Variants in DEK observed in about 807,000 individuals in gnomAD.
DEK encodes DEK proto-oncogene.
DEK carries 28 observed loss-of-function variants against 46.8 expected under a neutral mutation model. The observed-to-expected ratio is 0.60, with a 90% CI of 0.44 to 0.82. The LOEUF (loss-of-function observed/expected upper bound fraction) is 0.82. Ranked by LOEUF, DEK falls within the 40% of genes least tolerant of loss-of-function variation. The pLI is 0.00. For missense variants in DEK, 416 were observed against 430.6 expected (o/e 0.97, Z 0.30); for synonymous variants, 160 against 144.5 (o/e 1.11, Z -0.77).
chr6:18,247,891 C>T (rs553675792), intron 7 of DEK, among the ~76,000 whole-genome samples: 117 of 152,134 alleles, frequency 7.7e-4, no homozygotes, highest in African/African-American at 2.6e-3. Context: ...AGGCTGGTCT[C>T]GAACTCCTGA....
intron 7 of DEK, among the ~76,000 whole-genome samples, chr6:18,241,098 A>G (rs574597505): frequency 3.8e-4 from 58 of 152,370 alleles, no homozygotes; most frequent in South Asian, 1.2e-3. Flanking sequence ...GCTGAACAGT[A>G]AAACTACTAA....
intron 7 of DEK, among the ~76,000 whole-genome samples, chr6:18,238,152 A>T (rs1790745700): frequency 6.6e-6 from 1 of 151,920 alleles, no homozygotes; most frequent in Non-Finnish European, 1.5e-5. Context: ...TACAGGCATG[A>T]GCCACCACAC....
At chr6:18,256,540 C>G (rs1791605413) in intron 4 of DEK, 85 bp from the exon 5 acceptor site, 4 of 1,142,608 alleles carry the variant, frequency 3.5e-6, no homozygotes, top group Non-Finnish European at 5.1e-6. Context: ...AAGTCAACAT[C>G]TTTATTTTCA....
chr6:18,228,545 C>T (rs1790240762), intron 9 of DEK, among the ~76,000 whole-genome samples: 2 of 152,068 alleles, frequency 1.3e-5, no homozygotes, highest in African/African-American at 4.8e-5. Context: ...TGGGTGCAGC[C>T]AACCGAGCGT....
At chr6:18,235,756 T>G (rs1369041769) in intron 9 of DEK, among the ~76,000 whole-genome samples, 3 of 152,174 alleles carry the variant, frequency 2.0e-5, no homozygotes, top group Admixed American at 6.5e-5. Flanking sequence ...ATCAAAGTGT[T>G]GGGATTACAG....
chr6:18,263,458 G>A (rs1189992069), intron 2 of DEK, among the ~76,000 whole-genome samples: 2 of 151,968 alleles, frequency 1.3e-5, no homozygotes, highest in African/African-American at 4.8e-5. Flanking sequence ...CAAAAGATGT[G>A]TAATGAAAAG....
Position 18,258,310 on chromosome 6 carries a change from C to T in DEK, c.241G>A (p.Ala81Thr), listed in dbSNP as rs758050560. The T allele has an allele frequency of 1.9e-6, 3 of 1,605,960 alleles. No individual in the cohort carries two copies. In the Admixed American group the frequency reaches 5.2e-5, roughly 28 times the overall value. The change falls in exon 3 of 11, where the codon GCA (alanine) becomes ACA (threonine). Residue 81 changes from alanine to threonine, a missense_variant. Ala to Thr is a moderately conservative substitution (Grantham distance 58, BLOSUM62 0). Coordinates refer to ENST00000652689, the MANE Select transcript of DEK (RefSeq NM_003472.4). The part of the protein sequence containing the change: ...SSLQREPFTI[A>T]QGKGQKLCEI... Reference sequence around the variant, plus strand: ...GAAGCTAGAATAAACTTACCTTGTGCAATTGTAAATGGCTCTCTCTGTAAG... The same window carrying T: ...GAAGCTAGAATAAACTTACCTTGTGTAATTGTAAATGGCTCTCTCTGTAAG...
chr6:18,257,653 C>A (rs557111983), intron 4 of DEK, among the ~76,000 whole-genome samples: 25 of 151,788 alleles, frequency 1.6e-4, no homozygotes, highest in African/African-American at 6.0e-4. Flanking sequence ...GAGGTTGAGG[C>A]TGCAGTGAGC....
chr6:18,255,966 T>A (rs1402215057), intron 5 of DEK, 115 bp from the exon 6 acceptor site: 2 of 1,203,516 alleles, frequency 1.7e-6, no homozygotes, highest in Non-Finnish European at 2.2e-6. Flanking sequence ...TTTAAAAAAG[T>A]GGCCAATGCT....
intron 9 of DEK, among the ~76,000 whole-genome samples, chr6:18,230,817 G>A (rs1452600663): frequency 1.3e-5 from 2 of 152,150 alleles, no homozygotes; most frequent in Admixed American, 6.6e-5. Flanking sequence ...AGTCAGATCA[G>A]TGAGACAGAA....
At chr6:18,261,519 C>G (rs559579222) in intron 2 of DEK, among the ~76,000 whole-genome samples, 2 of 151,954 alleles carry the variant, frequency 1.3e-5, no homozygotes, top group African/African-American at 4.8e-5. Flanking sequence ...TGCGGTTAGC[C>G]GAGGTCAGGC....
intron 7 of DEK, among the ~76,000 whole-genome samples, chr6:18,247,678 GT>G (rs113895880): frequency 1.1e-3 from 160 of 145,538 alleles, no homozygotes; most frequent in African/African-American, 3.1e-3. Flanking sequence ...AAATGCTCTC[GT>G]TTTTTTTTTT....
intron 7 of DEK, among the ~76,000 whole-genome samples, chr6:18,247,936 T>A (rs1791196689): frequency 6.6e-6 from 1 of 152,172 alleles, no homozygotes. Flanking sequence ...CCTCCCAAAG[T>A]GCTGGGATTA....
chr6:18,234,000 T>C (rs888068805), intron 9 of DEK, among the ~76,000 whole-genome samples: 2 of 152,124 alleles, frequency 1.3e-5, no homozygotes, highest in African/African-American at 4.8e-5. Context: ...TGGAATACTA[T>C]GCAGCCATAA....
intron 7 of DEK, among the ~76,000 whole-genome samples, chr6:18,247,791 C>A (rs1261541112): frequency 6.6e-6 from 1 of 151,984 alleles, no homozygotes; most frequent in African/African-American, 2.4e-5. Flanking sequence ...CCTGCCTCAG[C>A]CTTCCCGAGT....
chr6:18,227,297 T>C (rs2151075669), intron 9 of DEK, among the ~76,000 whole-genome samples: 1 of 152,272 alleles, frequency 6.6e-6, no homozygotes, highest in African/African-American at 2.4e-5. Flanking sequence ...ACGTTCCATC[T>C]ACTGAGATAG....
intron 7 of DEK, among the ~76,000 whole-genome samples, chr6:18,246,885 TA>T (rs1561984313): frequency 6.6e-6 from 1 of 152,192 alleles, no homozygotes; most frequent in African/African-American, 2.4e-5. Flanking sequence ...TCTTAATGAA[TA>T]AGAGTCTTTT....
At chr6:18,235,704 G>A (rs565469720) in intron 9 of DEK, among the ~76,000 whole-genome samples, 1 of 152,180 alleles carries the variant, frequency 6.6e-6, no homozygotes, top group South Asian at 2.1e-4. Context: ...GCCCAGGTTG[G>A]TCTTGAACTC....
chr6:18,264,315 T>G, intron 1 of DEK, 70 bp downstream of exon 1: 1 of 164,456 alleles, frequency 6.1e-6, no homozygotes, highest in Non-Finnish European at 1.3e-5. Flanking sequence ...GCCGTCCAAA[T>G]GGCCGCGTCC....
Sources: allele counts gnomAD v4.1 joint callset (sites outside exome capture counted in the v4.1 genomes callset), GRCh38; gene constraint gnomAD v4.1.1; transcripts MANE v1.5; gene names NCBI Gene and HGNC (gene_info 2026-07-23, HGNC 2026-07-21).